The following KLC1 variants were observed in gnomAD, a reference collection of about 807,000 sequenced individuals.
The protein encoded by KLC1 is kinesin light chain 1.
In KLC1, 30 loss-of-function variants were observed where a neutral mutation model predicts 84.2. The ratio of observed to expected loss-of-function variants is 0.36; its 90% CI spans 0.27 to 0.48. The LOEUF (loss-of-function observed/expected upper bound fraction) is 0.48. Among genes scored for constraint, KLC1 ranks in the 20% least tolerant of loss-of-function variants. The probability of loss-of-function intolerance (pLI) is 0.99; values close to 1 mark genes in which losing one functional copy is unlikely to be tolerated. For synonymous variants in KLC1, 289 were observed against 293.3 expected (o/e 0.99, Z 0.15); for missense variants, 499 against 805.4 (o/e 0.62, Z 4.60).
At chr14:103,686,869 T>C (rs1036317044) in intron 13 of KLC1, 10 of 229,296 alleles carry the variant, frequency 4.4e-5, no homozygotes, top group Non-Finnish European at 8.6e-5. Context: ...TTCATGATCA[T>C]TGGATTATCT....
At chr14:103,632,129 G>C (rs2076734351) in intron 1 of KLC1, among the ~76,000 whole-genome samples, 1 of 152,162 alleles carries the variant, frequency 6.6e-6, no homozygotes, top group Admixed American at 6.5e-5. Flanking sequence ...GCGTGGTCAT[G>C]CCTGTAATCT....
chr14:103,698,688 G>T, intron 15 of KLC1: 1 of 1,010,820 alleles, frequency 9.9e-7, no homozygotes, highest in Non-Finnish European at 1.5e-6. Context: ...GAAGAGCTGT[G>T]TCTGAACCAG....
rs1371782553 is a variant in KLC1, at chr14:103,691,324, A to G, written c.1782-1035A>G. On this transcript the variant is annotated intron_variant, in intron 14 of 16. Coordinates refer to ENST00000334553, the MANE Select transcript of KLC1 (RefSeq NM_001394837.1). The stretch of plus-strand genomic sequence containing the variant: ...CAGGTGTGTACCACCACGCCTGGCT[A>G]ATTTTTTGCATTTTTAGTAGAGACA... Among the ~76,000 whole-genome samples the G allele has an allele frequency of 1.5e-4, 22 of 149,970 alleles. No individual in the cohort carries two copies. The East Asian group carries it at 4.3e-3, about 30-fold the overall frequency.
chr14:103,699,674 C>T (rs1311625302), intron 15 of KLC1: 3 of 1,205,590 alleles, frequency 2.5e-6, no homozygotes, highest in Non-Finnish European at 3.6e-6. Flanking sequence ...TGAAAACCTT[C>T]CTACCCACCT....
At chr14:103,698,717 G>T in intron 15 of KLC1, 1 of 1,321,194 alleles carries the variant, frequency 7.6e-7, no homozygotes, top group Non-Finnish European at 1.1e-6. Context: ...CTGTGCCACG[G>T]CCCAGGCAGA....
intron 15 of KLC1, chr14:103,696,475 T>A: frequency 1.0e-6 from 1 of 985,184 alleles, no homozygotes. Flanking sequence ...TGATGTATCG[T>A]TACAATGTAT....
At chr14:103,695,192 A>G (rs1345055286) in intron 15 of KLC1, 1 of 846,072 alleles carries the variant, frequency 1.2e-6, no homozygotes, top group Non-Finnish European at 1.4e-6. Context: ...GCGGTGGTTC[A>G]TGCCAGTAAT....
chr14:103,689,189 T>C (rs943494444), intron 14 of KLC1, among the ~76,000 whole-genome samples: 2 of 152,072 alleles, frequency 1.3e-5, no homozygotes, highest in Admixed American at 1.3e-4. Flanking sequence ...ATCACACTGA[T>C]TGTTTGAGGT....
At chr14:103,630,377 A>G (rs190057058) in intron 1 of KLC1, among the ~76,000 whole-genome samples, 1 of 152,334 alleles carries the variant, frequency 6.6e-6, no homozygotes, top group Non-Finnish European at 1.5e-5. Context: ...ATTTAAATGA[A>G]TTAAGAATTT....
chr14:103,690,031 T>G (rs2082002135), intron 14 of KLC1, among the ~76,000 whole-genome samples: 1 of 151,872 alleles, frequency 6.6e-6, no homozygotes, highest in Admixed American at 6.6e-5. Context: ...AATACAAAAA[T>G]TAGCCGGGCC....
At position 103,693,526 on chromosome 14, in the gene KLC1, A is replaced by G; in HGVS notation, c.1848+1101A>G. ...ATCATTTGAAGTCCTGGTTAAGTGT[A>G]ATTTTTCTATTTGTTTTTTCATGCA... On this transcript the variant is annotated intron_variant, in intron 15 of 16. Transcript: ENST00000334553. This position sits in a 1 kb window ranked among gnomAD's most constrained non-coding sequence, Gnocchi z 5.1. The G allele has an allele frequency of 6.5e-7, 1 of 1,535,684 alleles. No homozygotes were observed. Among genetic ancestry groups the G allele is most frequent in the Non-Finnish European group, 8.7e-7 (1 of 1,146,714 alleles).
intron 5 of KLC1, among the ~76,000 whole-genome samples, chr14:103,668,100 C>T (rs2080039168): frequency 6.6e-6 from 1 of 152,248 alleles, no homozygotes; most frequent in Non-Finnish European, 1.5e-5. Flanking sequence ...CATCTTCTTA[C>T]AGCAAGACTG....
chr14:103,662,239 G>A (rs1233331064), intron 4 of KLC1, 45 bp downstream of exon 4: 2 of 1,458,118 alleles, frequency 1.4e-6, no homozygotes, highest in Non-Finnish European at 1.9e-6. Context: ...GCAGAAGAGA[G>A]GTGTTCCTCC....
intron 15 of KLC1, chr14:103,695,414 C>T (rs570361444): frequency 3.0e-6 from 3 of 984,248 alleles, no homozygotes; most frequent in Non-Finnish European, 2.4e-6. Context: ...CCAACCCCCC[C>T]CAAAAAAAGG....
chr14:103,676,348 A>G (rs2080874033), intron 11 of KLC1, among the ~76,000 whole-genome samples: 1 of 151,894 alleles, frequency 6.6e-6, no homozygotes, highest in South Asian at 2.1e-4. Flanking sequence ...GGCTCACTGC[A>G]ACCTCCACCT....
At chr14:103,685,827 A>T in intron 13 of KLC1, 14 of 1,196,488 alleles carry the variant, frequency 1.2e-5, no homozygotes, top group Non-Finnish European at 1.5e-5. Flanking sequence ...TGATTTCTGT[A>T]TACATGTAGC....
At chr14:103,638,889 G>T (rs2077267922) in intron 1 of KLC1, among the ~76,000 whole-genome samples, 1 of 151,502 alleles carries the variant, frequency 6.6e-6, no homozygotes, top group Non-Finnish European at 1.5e-5. Context: ...GTGTATGTGT[G>T]TGAGCACAAG....
intron 15 of KLC1, chr14:103,699,808 T>G: frequency 1.7e-6 from 1 of 576,144 alleles, no homozygotes; most frequent in African/African-American, 1.9e-5. Context: ...CCCCATGTCC[T>G]TCCTCTGGCC....
chr14:103,679,613 T>G, intron 13 of KLC1, 68 bp downstream of exon 13: 1 of 1,196,898 alleles, frequency 8.4e-7, no homozygotes, highest in South Asian at 1.3e-5. Context: ...CAGGCCTTCC[T>G]CCTGTCTCAT....
Sources: allele counts gnomAD v4.1 joint callset (sites outside exome capture counted in the v4.1 genomes callset), GRCh38; gene constraint gnomAD v4.1.1; non-coding constraint Gnocchi (gnomAD v3.1); transcripts MANE v1.5; gene names NCBI Gene and HGNC (gene_info 2026-07-23, HGNC 2026-07-21).